ZMYND11: variants seen among roughly 807,000 people sequenced by gnomAD.
ZMYND11 encodes zinc finger MYND domain-containing protein 11.
Under a neutral mutation model 84.9 loss-of-function variants are expected in ZMYND11, and 9 were observed. The ratio of observed to expected loss-of-function variants is 0.11; its 90% CI spans 0.06 to 0.18. The LOEUF is 0.18. Among genes scored for constraint, ZMYND11 ranks in the 10% least tolerant of loss-of-function variants. The pLI is 1.00. For synonymous variants in ZMYND11, 250 were observed against 244.1 expected (o/e 1.02, Z -0.23); for missense variants, 409 against 761.0 (o/e 0.54, Z 5.44).
At chr10:175,780 G>A (rs1188669956) in intron 1 of ZMYND11, among the ~76,000 whole-genome samples, 1 of 152,006 alleles carries the variant, frequency 6.6e-6, no homozygotes, top group Admixed American at 6.5e-5. Flanking sequence ...TGGGAAAATG[G>A]TATGAATAGA....
chr10:250,063 G>C (rs375149370), intron 14 of ZMYND11, among the ~76,000 whole-genome samples: 1 of 152,176 alleles, frequency 6.6e-6, no homozygotes, highest in Non-Finnish European at 1.5e-5. Flanking sequence ...AAGTGAAAGC[G>C]TGCTTTCCGA....
intron 3 of ZMYND11, among the ~76,000 whole-genome samples, chr10:213,043 T>A (rs148913733): frequency 2.0e-5 from 3 of 152,164 alleles, no homozygotes; most frequent in Non-Finnish European, 4.4e-5. Context: ...TATAATTGTT[T>A]CCCACTAGGC....
At chr10:134,060 T>C (rs1835413233), upstream of ZMYND11, among the ~76,000 whole-genome samples, 1 of 152,178 alleles carries the variant, frequency 6.6e-6, no homozygotes, top group Non-Finnish European at 1.5e-5. Flanking sequence ...TGGGGACACG[T>C]GCCAAGACGG....
At position 180,003 on chromosome 10, in the gene ZMYND11, T is replaced by C. The variant is rs1297196818; in HGVS notation, c.-10T>C. The C allele has an allele frequency of 6.2e-7, 1 of 1,603,904 alleles. No individual in the cohort carries two copies. Among genetic ancestry groups the C allele is most frequent in the South Asian group, 1.1e-5 (1 of 89,110 alleles). On this transcript the variant is annotated 5_prime_UTR_variant, in exon 2 of 15. The change abolishes the stop of an existing upstream ORF in the 5' untranslated region. Coordinates refer to ENST00000381604, the MANE Select transcript of ZMYND11 (RefSeq NM_001370100.5). ...TTGTTTATTACTGCAGCTAAAGAAG[T>C]AAACAGGTCATGGCACGTTTAACAA...
At position 247,123 on chromosome 10, in the gene ZMYND11, C is replaced by G. The variant is rs995653022; in HGVS notation, c.1158+150C>G. On this transcript the variant is annotated intron_variant, in intron 11 of 14. Transcript: ENST00000381604. The stretch of plus-strand genomic sequence containing the variant: ...GTGCTCTGCAAAACTAAACCAAAAG[C>G]AGTTCAAATGAATACATAGATGTAA... The G allele has an allele frequency of 9.3e-6, 8 of 861,336 alleles. No homozygotes were observed. In the Admixed American group the frequency reaches 2.0e-4, roughly 22 times the overall value. The allele number at this position is 861,336 out of a possible 1,614,324, so 53.4% of individuals were successfully genotyped here. A position where few individuals can be genotyped will look rare whatever the true frequency, so the allele number is the denominator to read the frequency against.
intron 1 of ZMYND11, among the ~76,000 whole-genome samples, chr10:136,031 G>A (rs1554752020): frequency 6.6e-6 from 1 of 151,906 alleles, no homozygotes. Context: ...GGCGCGGCAC[G>A]TCGTGTGCTA....
intron 9 of ZMYND11, among the ~76,000 whole-genome samples, chr10:241,327 G>A (rs549292735): frequency 2.6e-5 from 4 of 152,104 alleles, no homozygotes. Flanking sequence ...ACAGGCACAC[G>A]CCACCACACC....
rs182420218 is a variant in ZMYND11 at position 172,916 on chromosome 10, C to G, written c.-19-7078C>G. Among the ~76,000 whole-genome samples the G allele has an allele frequency of 3.4e-3, 515 of 151,864 alleles. 6 individuals carry two copies. The highest frequency in any genetic ancestry group is 0.011 in the African/African-American group (470 of 41,438). On this transcript the variant is annotated intron_variant, in intron 1 of 14. Coordinates refer to ENST00000381604, the MANE Select transcript of ZMYND11 (RefSeq NM_001370100.5). ...AGATGGATGGAACAGAATAGAGAAC[C>G]CAGAAATACTCACATAAATACAGTC...
At chr10:193,249 G>A (rs1370804708) in intron 2 of ZMYND11, among the ~76,000 whole-genome samples, 1 of 152,040 alleles carries the variant, frequency 6.6e-6, no homozygotes, top group African/African-American at 2.4e-5. Flanking sequence ...ATTATCTTAT[G>A]TTTCACTCCA....
intron 4 of ZMYND11, among the ~76,000 whole-genome samples, chr10:231,390 T>C (rs2436030): frequency 0.65 from 98,112 of 152,062 alleles, 31,863 homozygotes; most frequent in East Asian, 0.82. Context: ...GAAGTCTAGA[T>C]TTCCAATTTT....
intron 10 of ZMYND11, among the ~76,000 whole-genome samples, chr10:246,393 A>C (rs563671233): frequency 3.0e-4 from 45 of 152,346 alleles, no homozygotes; most frequent in African/African-American, 9.6e-4. Context: ...CAGAACAACA[A>C]ATAACTTTAA....
At chr10:137,209 A>T (rs1836313778) in intron 1 of ZMYND11, among the ~76,000 whole-genome samples, 1 of 152,020 alleles carries the variant, frequency 6.6e-6, no homozygotes, top group African/African-American at 2.4e-5. Context: ...CCACTGTCAT[A>T]TTCAGGGTAT....
intron 2 of ZMYND11, among the ~76,000 whole-genome samples, chr10:202,699 A>G (rs964253698): frequency 2.0e-5 from 3 of 152,128 alleles, no homozygotes; most frequent in Non-Finnish European, 2.9e-5. Flanking sequence ...CCTCATTCCA[A>G]CCTGCTCTTC....
At chr10:206,188 C>T (rs1249884994) in intron 2 of ZMYND11, among the ~76,000 whole-genome samples, 2 of 152,042 alleles carry the variant, frequency 1.3e-5, no homozygotes, top group African/African-American at 2.4e-5. Context: ...GGTGAAACCC[C>T]ATCTCTACTA....
chr10:221,469 G>C, intron 4 of ZMYND11, 113 bp downstream of exon 4: 1 of 1,033,168 alleles, frequency 9.7e-7, no homozygotes, highest in Non-Finnish European at 1.4e-6. Context: ...GGACTGGAGG[G>C]TGGGGGTTAT....
chr10:195,244 G>C (rs2130978217), intron 2 of ZMYND11, among the ~76,000 whole-genome samples: 1 of 152,258 alleles, frequency 6.6e-6, no homozygotes, highest in South Asian at 2.1e-4. Flanking sequence ...AATACAATCT[G>C]AGAGAAAAGA....
At chr10:192,259 A>G (rs78565830) in intron 2 of ZMYND11, among the ~76,000 whole-genome samples, 54 of 152,322 alleles carry the variant, frequency 3.5e-4, no homozygotes, top group African/African-American at 1.2e-3. Context: ...GCTAAGTAGC[A>G]GGAACTACTT....
chr10:217,614 C>G (rs1414126949), intron 3 of ZMYND11, among the ~76,000 whole-genome samples: 1 of 151,944 alleles, frequency 6.6e-6, no homozygotes, highest in Non-Finnish European at 1.5e-5. Flanking sequence ...TAAGCATGTT[C>G]TATCATTTTG....
chr10:234,399 CTTG>C (rs1949557758), intron 4 of ZMYND11, among the ~76,000 whole-genome samples: 1 of 152,182 alleles, frequency 6.6e-6, no homozygotes, highest in South Asian at 2.1e-4. Flanking sequence ...GGATTCCTGC[CTTG>C]TTGAAATGAT....
Sources: allele counts gnomAD v4.1 joint callset (sites outside exome capture counted in the v4.1 genomes callset), GRCh38; gene constraint gnomAD v4.1.1; transcripts MANE v1.5; gene names NCBI Gene and HGNC (gene_info 2026-07-23, HGNC 2026-07-21).